Variants in PLPPR1 observed in about 807,000 individuals in gnomAD.
PLPPR1 encodes the protein phospholipid phosphatase-related protein type 1.
PLPPR1 carries 10 observed loss-of-function variants against 33.1 expected under a neutral mutation model. That is an observed-to-expected ratio of 0.30 (90% confidence interval 0.19 to 0.51). The LOEUF is 0.51. Ranked by LOEUF, PLPPR1 falls within the 20% of genes least tolerant of loss-of-function variation. The pLI is 0.97. For synonymous variants in PLPPR1, 151 were observed against 151.0 expected (o/e 1.00, Z 0.00); for missense variants, 304 against 408.1 (o/e 0.74, Z 2.20).
chr9:101,203,135 C>A (rs1826522281), intron 2 of PLPPR1, among the ~76,000 whole-genome samples: 1 of 152,150 alleles, frequency 6.6e-6, no homozygotes, highest in Non-Finnish European at 1.5e-5. Flanking sequence ...GATTTGGGGG[C>A]AGTGCCACCT....
In PLPPR1 at chr9:101,312,890, C is replaced by A; in HGVS notation, c.729C>A (p.Gly243=). The A allele has an allele frequency of 1.2e-6, 2 of 1,614,164 alleles. No homozygotes were observed. The highest frequency in any genetic ancestry group is 1.7e-6 in the Non-Finnish European group (2 of 1,180,016). The part of the protein sequence containing the change: ...LGTLCTAFLT[G]LNRVSEYRNH... ...CTCTCTGCACAGCCTTCCTGACAGG[C>A]CTCAACCGGGTCTCTGAGTATCGGA... is the stretch of plus-strand genomic sequence containing the variant. The change falls in exon 6 of 8, where the codon GGC becomes GGA. Residue 243 remains glycine (G), a synonymous_variant. Coordinates refer to ENST00000374874, the MANE Select transcript of PLPPR1 (RefSeq NM_207299.2).
intron 7 of PLPPR1, among the ~76,000 whole-genome samples, chr9:101,318,498 G>A (rs576205975): frequency 2.2e-4 from 33 of 151,898 alleles, no homozygotes; most frequent in African/African-American, 6.8e-4. Context: ...CAGGCCGAGC[G>A]TGGTGGCTCA....
intron 1 of PLPPR1, among the ~76,000 whole-genome samples, chr9:101,121,262 G>A (rs1039374945): frequency 2.6e-5 from 4 of 152,186 alleles, no homozygotes; most frequent in Admixed American, 2.0e-4. Flanking sequence ...GAGCTCCTAT[G>A]TATCAGATAT....
Position 101,324,092 on chromosome 9 carries a change from C to T in PLPPR1, c.*35C>T, listed in dbSNP as rs758186538. The T allele has an allele frequency of 6.3e-7, 1 of 1,585,860 alleles. No individual in the cohort carries two copies. The highest frequency in any genetic ancestry group is 8.7e-7 in the Non-Finnish European group (1 of 1,155,450). ...TGTGTCACAAGCTGTTTTTTAAAATCATCTTCCAATTCTATACTTCAAAAC... is the reference window on the plus strand; with the variant it reads ...TGTGTCACAAGCTGTTTTTTAAAATTATCTTCCAATTCTATACTTCAAAAC... On this transcript the variant is annotated 3_prime_UTR_variant, in exon 8 of 8. Transcript: ENST00000374874.
intron 4 of PLPPR1, among the ~76,000 whole-genome samples, chr9:101,287,092 A>G (rs1828406375): frequency 6.6e-6 from 1 of 152,214 alleles, no homozygotes; most frequent in African/African-American, 2.4e-5. Context: ...GTAATAAGCA[A>G]ATACCACATC....
At chr9:101,038,075 A>G (rs1375490859) in intron 1 of PLPPR1, among the ~76,000 whole-genome samples, 1 of 152,124 alleles carries the variant, frequency 6.6e-6, no homozygotes, top group African/African-American at 2.4e-5. Context: ...AACGACTATC[A>G]GTTGTTTGGT....
chr9:101,232,076 A>G (rs1241930208), intron 2 of PLPPR1, among the ~76,000 whole-genome samples: 1 of 152,246 alleles, frequency 6.6e-6, no homozygotes, highest in Non-Finnish European at 1.5e-5. Flanking sequence ...TGCCGTGGAA[A>G]AAGGCCTAAG....
At position 101,315,053 on chromosome 9, in the gene PLPPR1, C is replaced by A. The variant is rs574352100; in HGVS notation, c.813+2079C>A. 6.9e-5 allele frequency among the ~76,000 whole-genome samples: 10 copies of A among 143,946 alleles called. No homozygotes were observed. In the South Asian group the frequency reaches 2.1e-3, roughly 30 times the overall value. The allele number at this position is 143,946 out of a possible 152,430, so 94.4% of individuals were successfully genotyped here. On this transcript the variant is annotated intron_variant, in intron 6 of 7. Transcript: ENST00000374874. ...AGCATACAATGTATAATGATCAAAT[C>A]TGGGTAACTGGGATATCCATCACCT... is the stretch of plus-strand genomic sequence containing the variant.
intron 1 of PLPPR1, among the ~76,000 whole-genome samples, chr9:101,106,094 C>T (rs992053017): frequency 6.6e-6 from 1 of 151,432 alleles, no homozygotes; most frequent in Non-Finnish European, 1.5e-5. Flanking sequence ...GGTCTTGACT[C>T]TTTATCCAAC....
chr9:101,281,790 A>C (rs998594875), intron 3 of PLPPR1, among the ~76,000 whole-genome samples: 2 of 152,166 alleles, frequency 1.3e-5, no homozygotes, highest in African/African-American at 2.4e-5. Flanking sequence ...ATCATATTAG[A>C]CTATTATGAA....
rs1829207539 is a variant in PLPPR1, at chr9:101,324,116, A to T, written c.*59A>T. The T allele has an allele frequency of 2.2e-6, 3 of 1,393,496 alleles. No homozygotes were observed. In the Admixed American group the frequency reaches 5.1e-5, roughly 24 times the overall value. 86.3% of individuals were successfully genotyped at this position (1,393,496 alleles called of 1,614,324 possible). A position where few individuals can be genotyped will look rare whatever the true frequency, so the allele number is the denominator to read the frequency against. ...TCATCTTCCAATTCTATACTTCAAA[A>T]CACACAGTTGCTCAATGTCAAACTG... On this transcript the variant is annotated 3_prime_UTR_variant, in exon 8 of 8. Coordinates refer to ENST00000374874, the MANE Select transcript of PLPPR1 (RefSeq NM_207299.2).
At chr9:101,205,025 G>A (rs899178068) in intron 2 of PLPPR1, among the ~76,000 whole-genome samples, 10 of 152,146 alleles carry the variant, frequency 6.6e-5, no homozygotes, top group Admixed American at 5.9e-4. Context: ...AGGTACTCAT[G>A]TCTCAAAGTT....
intron 2 of PLPPR1, among the ~76,000 whole-genome samples, chr9:101,209,797 AT>A (rs1181060580): frequency 6.6e-6 from 1 of 152,156 alleles, no homozygotes; most frequent in Admixed American, 6.5e-5. Context: ...AATGTGGATA[AT>A]TTTTTAGCGA....
At chr9:101,066,649 G>T (rs1340392239) in intron 1 of PLPPR1, among the ~76,000 whole-genome samples, 1 of 151,908 alleles carries the variant, frequency 6.6e-6, no homozygotes, top group Non-Finnish European at 1.5e-5. Flanking sequence ...TTGGCCATTG[G>T]GAGTGCTTTC....
Position 101,277,595 on chromosome 9 carries a change from C to T in PLPPR1, c.252+7527C>T, listed in dbSNP as rs200910061. On this transcript the variant is annotated intron_variant, in intron 3 of 7. Coordinates refer to ENST00000374874, the MANE Select transcript of PLPPR1 (RefSeq NM_207299.2). ...CGAGCCCTCTCTTTTTGGCTCCTAT[C>T]ATAATGGCAAAGATGTTGGAGCTAA... Among the ~76,000 whole-genome samples the T allele has an allele frequency of 1.5e-4, 23 of 152,236 alleles. No individual in the cohort carries two copies. The East Asian group carries it at 4.3e-3, about 28-fold the overall frequency.
intron 1 of PLPPR1, among the ~76,000 whole-genome samples, chr9:101,117,709 C>A (rs1286972369): frequency 2.0e-5 from 3 of 149,794 alleles, no homozygotes; most frequent in African/African-American, 7.3e-5. Flanking sequence ...TGAAAGAAAA[C>A]CTTAGGCAAA....
At chr9:101,252,867 T>C (rs563510856) in intron 2 of PLPPR1, among the ~76,000 whole-genome samples, 4 of 152,162 alleles carry the variant, frequency 2.6e-5, no homozygotes, top group South Asian at 2.1e-4. Flanking sequence ...TCGATGTTCG[T>C]TTTATGTTTT....
chr9:101,090,120 G>A (rs1830724500), intron 1 of PLPPR1, among the ~76,000 whole-genome samples: 1 of 152,106 alleles, frequency 6.6e-6, no homozygotes, highest in African/African-American at 2.4e-5. Context: ...TATTCTCCCT[G>A]TGTCTCTTCA....
intron 1 of PLPPR1, among the ~76,000 whole-genome samples, chr9:101,164,076 A>G (rs1027581783): frequency 4.6e-5 from 7 of 152,210 alleles, no homozygotes; most frequent in African/African-American, 1.7e-4. Context: ...TCATCCAGAA[A>G]GCTAATGACC....
Sources: allele counts gnomAD v4.1 joint callset (sites outside exome capture counted in the v4.1 genomes callset), GRCh38; gene constraint gnomAD v4.1.1; transcripts MANE v1.5; gene names NCBI Gene and HGNC (gene_info 2026-07-23, HGNC 2026-07-21).